The following MAMDC2 variants were observed in gnomAD, a reference collection of about 807,000 sequenced individuals.
The protein encoded by MAMDC2 is MAM domain-containing protein 2.
In MAMDC2, 57 loss-of-function variants were observed where a neutral mutation model predicts 89.8. That is an observed-to-expected ratio of 0.63 (90% CI 0.51 to 0.79). The LOEUF (loss-of-function observed/expected upper bound fraction) is 0.79, where lower values mean the gene tolerates loss of function less well. MAMDC2 is among the 30% of genes least tolerant of loss of function. MAMDC2 has a pLI of 0.00. For missense variants in MAMDC2, 800 were observed against 820.6 expected, an observed-to-expected ratio of 0.97 and a Z score of 0.31; for synonymous variants, 313 against 293.4, an observed-to-expected ratio of 1.07 and a Z score of -0.68.
chr9:70,175,236 A>C (rs1444912339), intron 11 of MAMDC2, among the ~76,000 whole-genome samples: 1 of 152,212 alleles, frequency 6.6e-6, no homozygotes, highest in Admixed American at 6.5e-5. Context: ...AAATTTGACT[A>C]TGATAGTGGA....
intron 9 of MAMDC2, among the ~76,000 whole-genome samples, chr9:70,148,991 T>C (rs2309603): frequency 0.9 from 122,175 of 135,086 alleles, 55,889 homozygotes; most frequent in East Asian, 1. Flanking sequence ...ATTGCGCCAC[T>C]GCACTCCAGC....
At chr9:70,106,593 G>A (rs532313978) in intron 2 of MAMDC2, among the ~76,000 whole-genome samples, 39 of 152,324 alleles carry the variant, frequency 2.6e-4, no homozygotes, top group Middle Eastern at 3.4e-3. Context: ...GGAAATGCAC[G>A]TGAAGCACTT....
At position 70,089,534 on chromosome 9, in the gene MAMDC2, A is replaced by C. The variant is rs554043675; in HGVS notation, c.149-18677A>C. On this transcript the variant is annotated intron_variant, in intron 2 of 13. Transcript: ENST00000377182. ...TGGCAGGAAAATCTAGGGAATTATA[A>C]ATAGGCTCTTCCTCAGAATGTATAC... Among the ~76,000 whole-genome samples the C allele has an allele frequency of 3.4e-4, 51 of 152,232 alleles. 1 individual carries two copies. In the South Asian group the frequency reaches 0.01, roughly 31 times the overall value.
intron 5 of MAMDC2, among the ~76,000 whole-genome samples, chr9:70,113,452 T>C (rs939747366): frequency 2.0e-4 from 30 of 152,234 alleles, no homozygotes; most frequent in African/African-American, 7.2e-4. Flanking sequence ...TGTTGTTTAA[T>C]ATTTCTCATT....
intron 9 of MAMDC2, among the ~76,000 whole-genome samples, chr9:70,164,965 ATAATATT>A (rs954244109): frequency 2.2e-5 from 3 of 139,180 alleles, no homozygotes; most frequent in African/African-American, 5.3e-5. Flanking sequence ...AATATTTAAT[ATAATATT>A]TAATATTTAA....
intron 11 of MAMDC2, among the ~76,000 whole-genome samples, chr9:70,211,433 G>A (rs779295815): frequency 6.6e-6 from 1 of 152,038 alleles, no homozygotes; most frequent in Admixed American, 6.5e-5. Flanking sequence ...ACTGAAGCTT[G>A]TGCATGCATC....
intron 11 of MAMDC2, chr9:70,172,904 A>G (rs2032393760): frequency 6.6e-6 from 1 of 152,662 alleles, no homozygotes; most frequent in Non-Finnish European, 1.5e-5. Flanking sequence ...TATAACTAGA[A>G]AGGCCTATAT....
chr9:70,155,553 C>T (rs1295762574), intron 9 of MAMDC2, among the ~76,000 whole-genome samples: 1 of 152,218 alleles, frequency 6.6e-6, no homozygotes, highest in African/African-American at 2.4e-5. Flanking sequence ...TAGTCCTTTG[C>T]ATACTGCCAA....
At chr9:70,089,514 G>A (rs1324343623) in intron 2 of MAMDC2, among the ~76,000 whole-genome samples, 1 of 152,096 alleles carries the variant, frequency 6.6e-6, no homozygotes, top group Non-Finnish European at 1.5e-5. Context: ...AGAGCTGGCA[G>A]GAAAATCTAG....
chr9:70,221,101 A>C (rs902029253), intron 12 of MAMDC2, among the ~76,000 whole-genome samples: 8 of 151,800 alleles, frequency 5.3e-5, no homozygotes, highest in African/African-American at 1.7e-4. Context: ...CGTATTGTCC[A>C]TTTACTATTC....
chr9:70,097,380 T>C (rs907248824), intron 2 of MAMDC2, among the ~76,000 whole-genome samples: 3 of 152,234 alleles, frequency 2.0e-5, no homozygotes, highest in Admixed American at 2.0e-4. Context: ...ATGAATTTCC[T>C]GAGGCAAATG....
intron 11 of MAMDC2, among the ~76,000 whole-genome samples, chr9:70,171,496 C>T (rs2032345809): frequency 6.6e-6 from 1 of 151,920 alleles, no homozygotes; most frequent in Non-Finnish European, 1.5e-5. Flanking sequence ...AAGGCCCTGT[C>T]TCGAAAAAAA....
At chr9:70,214,855 C>T (rs780970127) in intron 11 of MAMDC2, among the ~76,000 whole-genome samples, 2 of 152,106 alleles carry the variant, frequency 1.3e-5, no homozygotes, top group South Asian at 4.1e-4. Context: ...TTTTGGGTGT[C>T]AACGACTGGA....
chr9:70,132,059 C>T (rs983343475), intron 7 of MAMDC2, among the ~76,000 whole-genome samples: 3 of 152,114 alleles, frequency 2.0e-5, no homozygotes, highest in African/African-American at 7.2e-5. Flanking sequence ...TGTTTAAAGA[C>T]GTTAGTATTT....
chr9:70,091,246 C>T (rs1322173187), intron 2 of MAMDC2, among the ~76,000 whole-genome samples: 1 of 152,152 alleles, frequency 6.6e-6, no homozygotes, highest in African/African-American at 2.4e-5. Context: ...CACTGAGAGA[C>T]ATCATTTGTG....
At position 70,126,278 on chromosome 9, in the gene MAMDC2, C is replaced by T; in HGVS notation, c.763C>T (p.Gln255Ter). The change falls in exon 6 of 14, where the codon CAG becomes TAG. Residue 255 changes from glutamine to a stop codon, truncating the protein, a stop_gained. Transcript: ENST00000377182. LOFTEE classifies it high-confidence loss of function. ...GCLSFYYQIQ[Q>*]GNDNVFSLYT... ...CCTGTCATTTTATTACCAGATCCAG[C>T]AGGGGAATGACAATGTCTTTTCCCT... The T allele has an allele frequency of 1.2e-6, 2 of 1,614,196 alleles. No individual in the cohort carries two copies. The highest frequency in any genetic ancestry group is 1.7e-6 in the Non-Finnish European group (2 of 1,180,030).
intron 8 of MAMDC2, among the ~76,000 whole-genome samples, chr9:70,140,801 T>G (rs573478502): frequency 6.6e-6 from 1 of 152,194 alleles, no homozygotes; most frequent in Non-Finnish European, 1.5e-5. Flanking sequence ...TTTTATACCA[T>G]GTATATTTTA....
intron 11 of MAMDC2, among the ~76,000 whole-genome samples, chr9:70,215,454 A>C (rs531642476): frequency 1.3e-5 from 2 of 152,250 alleles, no homozygotes; most frequent in Non-Finnish European, 2.9e-5. Context: ...GAAAAGTTGA[A>C]GTTGACTGGA....
At chr9:70,096,491 C>G (rs779143911) in intron 2 of MAMDC2, among the ~76,000 whole-genome samples, 1 of 152,126 alleles carries the variant, frequency 6.6e-6, no homozygotes, top group Non-Finnish European at 1.5e-5. Context: ...CTGAGTCAGC[C>G]CCCCCTTTGA....
Sources: gnomAD v4.1 joint callset for allele counts (sites outside exome capture counted in the v4.1 genomes callset) on GRCh38, gnomAD v4.1.1 for gene constraint, MANE v1.5 for transcripts, NCBI Gene and HGNC (gene_info 2026-07-23, HGNC 2026-07-21) for gene names.